CAMK1D: variants seen among roughly 807,000 people sequenced by gnomAD.
CAMK1D encodes the protein calcium/calmodulin dependent protein kinase ID, also known as calcium/calmodulin-dependent protein kinase type 1D.
A neutral mutation model predicts 47.7 loss-of-function variants in CAMK1D; 9 were observed. The ratio of observed to expected loss-of-function variants is 0.19; its 90% CI spans 0.11 to 0.33. The LOEUF is 0.33. Ranked by LOEUF, CAMK1D falls within the 10% of genes least tolerant of loss-of-function variation. The probability of loss-of-function intolerance (pLI) is 1.00; values close to 1 mark genes in which losing one functional copy is unlikely to be tolerated. For missense variants in CAMK1D, 291 were observed against 488.7 expected (o/e 0.60, Z 3.81); for synonymous variants, 184 against 184.9 (o/e 0.99, Z 0.04).
intron 2 of CAMK1D, among the ~76,000 whole-genome samples, chr10:12,561,318 G>A (rs188132734): frequency 1.5e-4 from 23 of 152,174 alleles, no homozygotes; most frequent in Admixed American, 1.4e-3. Flanking sequence ...CAAGCTTTGG[G>A]CACGTACATG....
intron 1 of CAMK1D, among the ~76,000 whole-genome samples, chr10:12,394,231 G>T (rs1838853927): frequency 6.6e-6 from 1 of 152,146 alleles, no homozygotes; most frequent in African/African-American, 2.4e-5. Flanking sequence ...GTAGGGTGGG[G>T]TGAGGTAGCA....
intron 1 of CAMK1D, among the ~76,000 whole-genome samples, chr10:12,424,364 C>T (rs1297738557): frequency 6.6e-6 from 1 of 152,108 alleles, no homozygotes; most frequent in Non-Finnish European, 1.5e-5. Flanking sequence ...CCCCACCTCT[C>T]ACCTCTCCTC....
intron 5 of CAMK1D, among the ~76,000 whole-genome samples, chr10:12,785,576 T>A (rs1277056012): frequency 1.3e-5 from 2 of 152,128 alleles, no homozygotes; most frequent in African/African-American, 4.8e-5. Context: ...AGAGCCCTCA[T>A]CACTTTCCGA....
chr10:12,419,879 T>A lies in CAMK1D; in HGVS notation c.92+69969T>A, dbSNP rs1333120499. On this transcript the variant is annotated intron_variant, in intron 1 of 10. Coordinates refer to ENST00000619168, the MANE Select transcript of CAMK1D (RefSeq NM_153498.4). ...AGTGATTTAATAAACTAAGTTGAGTTTTTTAGAATTTTTAGTAAGCAGTGA... is the reference window on the plus strand; with the variant it reads ...AGTGATTTAATAAACTAAGTTGAGTATTTTAGAATTTTTAGTAAGCAGTGA... Among the ~76,000 whole-genome samples the A allele has an allele frequency of 4.6e-5, 7 of 152,258 alleles. No individual in the cohort carries two copies. The East Asian group carries it at 1.3e-3, about 29-fold the overall frequency.
At chr10:12,358,520 G>A (rs552615744) in intron 1 of CAMK1D, among the ~76,000 whole-genome samples, 2 of 152,272 alleles carry the variant, frequency 1.3e-5, no homozygotes, top group South Asian at 4.1e-4. Flanking sequence ...GCGACAGAGT[G>A]AGACTCTGTC....
rs1564593743 is a variant in CAMK1D at position 12,827,324 on chromosome 10, C to CTTTT, written c.1040-1444_1040-1443insTTTT. Among the ~76,000 whole-genome samples the CTTTT allele has an allele frequency of 2.7e-4, 20 of 74,222 alleles. No individual in the cohort carries two copies. The East Asian group carries it at 4.1e-3, about 15-fold the overall frequency. The allele number at this position is 74,222 out of a possible 152,430, so 48.7% of individuals were successfully genotyped here. On this transcript the variant is annotated intron_variant, in intron 10 of 10. Transcript: ENST00000619168. Reference sequence around the variant, plus strand: ...CTCTCTCTTTTTCTTTTCTTTCTTTCTCTCTCTTCTCTTCCTTCCTTCCTT... The same window carrying CTTTT: ...CTCTCTCTTTTTCTTTTCTTTCTTTCTTTTTCTCTCTTCTCTTCCTTCCTTCCTT...
chr10:12,762,645 G>A (rs940494866), intron 4 of CAMK1D, among the ~76,000 whole-genome samples: 3 of 152,160 alleles, frequency 2.0e-5, no homozygotes, highest in African/African-American at 4.8e-5. Context: ...GCTGGTCTGG[G>A]AACTGCTCTT....
At chr10:12,662,663 A>T (rs959942333) in intron 2 of CAMK1D, among the ~76,000 whole-genome samples, 4 of 151,786 alleles carry the variant, frequency 2.6e-5, no homozygotes, top group African/African-American at 9.7e-5. Context: ...AAAAAAAAAA[A>T]AGGAGATTGT....
intron 1 of CAMK1D, among the ~76,000 whole-genome samples, chr10:12,373,779 G>C (rs1838080115): frequency 6.6e-6 from 1 of 151,004 alleles, no homozygotes; most frequent in African/African-American, 2.4e-5. Flanking sequence ...TCTCTGTTAA[G>C]AGCTCAGGGG....
chr10:12,662,396 G>A (rs560055838), intron 2 of CAMK1D, among the ~76,000 whole-genome samples: 16 of 152,340 alleles, frequency 1.1e-4, no homozygotes, highest in Non-Finnish European at 2.2e-4. Context: ...GCTCACGCCT[G>A]TAATCCCAGC....
chr10:12,408,313 T>C (rs1032404997), intron 1 of CAMK1D, among the ~76,000 whole-genome samples: 15 of 152,012 alleles, frequency 9.9e-5, no homozygotes, highest in African/African-American at 3.1e-4. Flanking sequence ...AGGCGCCCGC[T>C]ACCTCGCCCG....
chr10:12,719,415 AAAAAAAGAAAAG>A (rs1357875172), intron 3 of CAMK1D, among the ~76,000 whole-genome samples: 1 of 131,882 alleles, frequency 7.6e-6, no homozygotes, highest in African/African-American at 2.6e-5. Context: ...CTCAGGAAAA[AAAAAAAGAAAAG>A]AAAAAAGAAA....
intron 8 of CAMK1D, among the ~76,000 whole-genome samples, chr10:12,819,425 C>A (rs1239438598): frequency 6.6e-6 from 1 of 152,180 alleles, no homozygotes; most frequent in Non-Finnish European, 1.5e-5. Flanking sequence ...GCAGGCAGGG[C>A]AGGGGCCTGG....
intron 1 of CAMK1D, among the ~76,000 whole-genome samples, chr10:12,529,612 G>A (rs1319447395): frequency 6.6e-6 from 1 of 152,152 alleles, no homozygotes; most frequent in East Asian, 1.9e-4. Context: ...TTAGTAGTGG[G>A]TCTGTGAGTC....
At chr10:12,371,951 G>A (rs1427372648) in intron 1 of CAMK1D, among the ~76,000 whole-genome samples, 2 of 152,124 alleles carry the variant, frequency 1.3e-5, no homozygotes, top group African/African-American at 4.8e-5. Context: ...ACAGGTGTGA[G>A]CCGTGGTGCC....
chr10:12,563,129 C>T (rs1588635827), intron 2 of CAMK1D, among the ~76,000 whole-genome samples: 1 of 152,318 alleles, frequency 6.6e-6, no homozygotes, highest in South Asian at 2.1e-4. Flanking sequence ...TGGACTTGGC[C>T]CAAGGCCAAA....
At chr10:12,439,670 C>T (rs1832728849) in intron 1 of CAMK1D, among the ~76,000 whole-genome samples, 1 of 152,218 alleles carries the variant, frequency 6.6e-6, no homozygotes, top group African/African-American at 2.4e-5. Flanking sequence ...GTTTGTTCTG[C>T]TGTCTTTGAT....
intron 1 of CAMK1D, among the ~76,000 whole-genome samples, chr10:12,453,217 T>A (rs1833141448): frequency 6.6e-6 from 1 of 150,784 alleles, no homozygotes; most frequent in African/African-American, 2.4e-5. Context: ...TGAGATGGAG[T>A]TTCACTCTGT....
rs1834393842 is a variant in CAMK1D, at chr10:12,491,856, C to T, written c.93-61369C>T. On this transcript the variant is annotated intron_variant, in intron 1 of 10. Transcript: ENST00000619168. ...AGGCTGGAGTTCAGTGGTGCCATCT[C>T]GGTCACTGCAGCCTCCATCTCCCGG... is the stretch of plus-strand genomic sequence containing the variant. Among the ~76,000 whole-genome samples, 6 of 152,116 alleles carry T rather than the reference C, an allele frequency of 3.9e-5. No individual in the cohort carries two copies. In the South Asian group the frequency reaches 1.0e-3, roughly 26 times the overall value.
Sources: gnomAD v4.1 joint callset for allele counts (sites outside exome capture counted in the v4.1 genomes callset) on GRCh38, gnomAD v4.1.1 for gene constraint, MANE v1.5 for transcripts, NCBI Gene and HGNC (gene_info 2026-07-23, HGNC 2026-07-21) for gene names.